Variants in ANKRD55 observed in about 807,000 individuals in gnomAD.
ANKRD55 encodes the protein ankyrin repeat domain-containing protein 55.
Under a neutral mutation model 60.6 loss-of-function variants are expected in ANKRD55, and 41 were observed. That is an observed-to-expected ratio of 0.68 (90% confidence interval 0.53 to 0.88). ANKRD55 has a LOEUF of 0.88. Among genes scored for constraint, ANKRD55 ranks in the 40% least tolerant of loss-of-function variants. ANKRD55 has a pLI of 0.00. For missense variants in ANKRD55, 732 were observed against 767.6 expected (o/e 0.95, Z 0.55); for synonymous variants, 264 against 290.3 (o/e 0.91, Z 0.92).
At chr5:56,160,570 T>A (rs1310324246) in intron 5 of ANKRD55, among the ~76,000 whole-genome samples, 1 of 152,194 alleles carries the variant, frequency 6.6e-6, no homozygotes, top group African/African-American at 2.4e-5. Flanking sequence ...CACACATGCC[T>A]AAGCACAAGA....
In ANKRD55 at chr5:56,133,371, G is replaced by A. The variant is rs901047130; in HGVS notation, c.613-6265C>T. On this transcript the variant is annotated intron_variant, in intron 7 of 11. Transcript: ENST00000341048. ...GGAGAATGGCTTGAACCTAGGAGGC[G>A]GAGGTTGTAGTGAGCCGAGATTGTG... Among the ~76,000 whole-genome samples the A allele has an allele frequency of 5.3e-5, 8 of 150,262 alleles. No homozygotes were observed. In the South Asian group the frequency reaches 8.5e-4, roughly 16 times the overall value.
chr5:56,185,683 T>TA (rs1316276451), intron 2 of ANKRD55, among the ~76,000 whole-genome samples: 2 of 151,474 alleles, frequency 1.3e-5, no homozygotes, highest in African/African-American at 2.4e-5. Context: ...AAAAAAAAAG[T>TA]AAAAAAAGAG....
At chr5:56,213,779 G>A (rs1759737077) in intron 2 of ANKRD55, among the ~76,000 whole-genome samples, 1 of 152,194 alleles carries the variant, frequency 6.6e-6, no homozygotes, top group South Asian at 2.1e-4. Flanking sequence ...GAAAGCAGAA[G>A]CACTGCAAAG....
chr5:56,108,071 C>T (rs1428857690), intron 10 of ANKRD55, among the ~76,000 whole-genome samples: 3 of 151,984 alleles, frequency 2.0e-5, no homozygotes, highest in African/African-American at 7.3e-5. Context: ...CGAAGCTTAA[C>T]CACGTTGCCC....
At position 56,111,768 on chromosome 5, in the gene ANKRD55, C is replaced by T. The variant is rs774118271; in HGVS notation, c.980G>A (p.Arg327Gln). The T allele has an allele frequency of 3.3e-6, 5 of 1,510,376 alleles. No individual in the cohort carries two copies. Among genetic ancestry groups the T allele is most frequent in the Admixed American group, 2.4e-5 (1 of 41,850 alleles). The allele number at this position is 1,510,376 out of a possible 1,614,324, so 93.6% of individuals were successfully genotyped here. A position where few individuals can be genotyped will look rare whatever the true frequency, so the allele number is the denominator to read the frequency against. Residue 327 changes from arginine to glutamine, a missense_variant, in exon 10 of 12, where the codon CGA becomes CAA. Arg to Gln is a conservative substitution (Grantham distance 43). Coordinates refer to ENST00000341048, the MANE Select transcript of ANKRD55 (RefSeq NM_024669.3). Reference protein sequence around the residue: ...LSQESRTEPTRPPPSQSSRPQ... With the variant: ...LSQESRTEPTQPPPSQSSRPQ... ...CCGACTGCTCTGGGAGGGAGGGGGT[C>T]GAGTAGGCTCTGTTCTATGCGAATA...
At chr5:56,165,482 C>T (rs551944809) in intron 5 of ANKRD55, among the ~76,000 whole-genome samples, 134 of 152,262 alleles carry the variant, frequency 8.8e-4, no homozygotes, top group African/African-American at 3.1e-3. Context: ...TCATTGATGA[C>T]CATCAACATT....
intron 6 of ANKRD55, among the ~76,000 whole-genome samples, chr5:56,158,240 T>C (rs1017801343): frequency 1.3e-5 from 2 of 152,076 alleles, no homozygotes; most frequent in Non-Finnish European, 2.9e-5. Context: ...TTAGGAGGCT[T>C]ACCCCCGCCC....
chr5:56,176,066 A>G (rs1349182507), intron 4 of ANKRD55, 86 bp downstream of exon 4: 7 of 1,543,580 alleles, frequency 4.5e-6, no homozygotes, highest in South Asian at 3.6e-5. Flanking sequence ...CATAGATCCA[A>G]GAATGCTCCT....
intron 10 of ANKRD55, among the ~76,000 whole-genome samples, chr5:56,106,420 CTTT>C (rs71602938): frequency 6.2e-5 from 6 of 96,910 alleles, no homozygotes; most frequent in African/African-American, 1.8e-4. Context: ...GCTAGGAAAG[CTTT>C]TTTTTTTTTT....
intron 2 of ANKRD55, among the ~76,000 whole-genome samples, chr5:56,214,518 A>G (rs2111878824): frequency 6.6e-6 from 1 of 152,336 alleles, no homozygotes; most frequent in East Asian, 1.9e-4. Context: ...TAGTATAATC[A>G]TCTTAACTTA....
At chr5:56,112,498 C>G in intron 9 of ANKRD55, among the ~76,000 whole-genome samples, 1 of 7,784 alleles carries the variant, frequency 1.3e-4, no homozygotes, top group African/African-American at 2.0e-3. Context: ...AGGATCTCAT[C>G]TCTAGCAAAA....
chr5:56,133,593 A>C (rs915674186), intron 7 of ANKRD55, among the ~76,000 whole-genome samples: 3 of 113,156 alleles, frequency 2.7e-5, no homozygotes, highest in African/African-American at 8.6e-5. Context: ...ACAAAAGTGA[A>C]AGAATAGAAA....
chr5:56,121,710 G>A (rs1432874264), intron 8 of ANKRD55, among the ~76,000 whole-genome samples: 1 of 152,150 alleles, frequency 6.6e-6, no homozygotes, highest in Non-Finnish European at 1.5e-5. Context: ...TATGCTCCAC[G>A]TGGGAGGGGA....
chr5:56,141,580 A>G (rs1757768263), intron 7 of ANKRD55, among the ~76,000 whole-genome samples: 1 of 152,232 alleles, frequency 6.6e-6, no homozygotes, highest in Admixed American at 6.5e-5. Flanking sequence ...GACAAAGAGT[A>G]TGGGAGCTTT....
At chr5:56,114,412 A>C (rs1756829309) in intron 9 of ANKRD55, 1 of 152,454 alleles carries the variant, frequency 6.6e-6, no homozygotes, top group Non-Finnish European at 1.5e-5. Flanking sequence ...TATTGTAGCC[A>C]ATGACAAAAG....
chr5:56,203,303 TAGTG>T (rs1759421994), intron 2 of ANKRD55, among the ~76,000 whole-genome samples: 1 of 152,180 alleles, frequency 6.6e-6, no homozygotes. Context: ...GTTCTCATAA[TAGTG>T]AGTTCTCATG....
intron 10 of ANKRD55, among the ~76,000 whole-genome samples, chr5:56,103,545 C>T (rs919835062): frequency 6.6e-6 from 1 of 152,150 alleles, no homozygotes; most frequent in Admixed American, 6.5e-5. Flanking sequence ...TGATTCCCTG[C>T]TTCCCCACTT....
At chr5:56,127,639 G>A (rs183498923) in intron 7 of ANKRD55, 1 of 906,258 alleles carries the variant, frequency 1.1e-6, no homozygotes, top group Admixed American at 6.2e-5. Context: ...AGGGAGCCTG[G>A]GAAGCAGAAC....
chr5:56,161,180 T>G (rs547129443), intron 5 of ANKRD55, among the ~76,000 whole-genome samples: 1 of 152,140 alleles, frequency 6.6e-6, no homozygotes, highest in East Asian at 1.9e-4. Context: ...ACCTGGACTC[T>G]GTACTCAGGG....
Sources: gnomAD v4.1 joint callset for allele counts (sites outside exome capture counted in the v4.1 genomes callset) on GRCh38, gnomAD v4.1.1 for gene constraint, MANE v1.5 for transcripts, NCBI Gene and HGNC (gene_info 2026-07-23, HGNC 2026-07-21) for gene names.